The following BRWD3 variants were observed in gnomAD, a reference collection of about 807,000 sequenced individuals.
BRWD3 encodes the protein bromodomain and WD repeat domain containing 3.
In BRWD3, 10 loss-of-function variants were observed where a neutral mutation model predicts 149.7. That is an observed-to-expected ratio of 0.07 (90% confidence interval 0.04 to 0.11). The LOEUF (loss-of-function observed/expected upper bound fraction) is 0.11. Ranked by LOEUF, BRWD3 falls within the 10% of genes least tolerant of loss-of-function variation. The pLI, the probability that BRWD3 is intolerant of heterozygous loss-of-function variation, is 1.00. For synonymous variants in BRWD3, 504 were observed against 456.7 expected (o/e 1.10, Z -1.32); for missense variants, 940 against 1,373.2 (o/e 0.68, Z 4.99).
intron 6 of BRWD3, among the ~76,000 whole-genome samples, chrX:80,778,423 G>A (rs1367737866): frequency 8.9e-6 from 1 of 111,732 alleles, no homozygotes; most frequent in Non-Finnish European, 1.9e-5. Context: ...AAGGAGAGGA[G>A]TGCCTTCAGC....
Position 80,669,524 on chromosome X carries a change from GAAT to G in BRWD3, c.*7082_*7084del, listed in dbSNP as rs1290258136. ...GCACTTCATTATTAATATTTTAGAT[GAAT>G]AATACTCAAGGGTAACAAAACAGTA... On this transcript the variant is annotated 3_prime_UTR_variant, in exon 41 of 41. Transcript: ENST00000373275. Among the ~76,000 whole-genome samples the G allele has an allele frequency of 9.0e-6, 1 of 111,516 alleles. No homozygotes were observed. Among genetic ancestry groups the G allele is most frequent in the Non-Finnish European group, 1.9e-5 (1 of 53,048 alleles).
intron 34 of BRWD3, among the ~76,000 whole-genome samples, chrX:80,687,355 T>C (rs2072543937): frequency 8.9e-6 from 1 of 111,755 alleles, no homozygotes; most frequent in African/African-American, 3.2e-5. Flanking sequence ...AATGGCATCA[T>C]ATTTTTCTCA....
chrX:80,697,109 G>A (rs995862312), intron 25 of BRWD3, among the ~76,000 whole-genome samples: 18 of 110,343 alleles, frequency 1.6e-4, no homozygotes, highest in African/African-American at 5.3e-4. Context: ...TTAATGATCC[G>A]AAATCCTACA....
At chrX:80,719,060 ATT>A (rs11312634) in intron 18 of BRWD3, among the ~76,000 whole-genome samples, 72 of 104,837 alleles carry the variant, frequency 6.9e-4, no homozygotes, top group Non-Finnish European at 6.7e-4. Context: ...TCTTCAGTGT[ATT>A]TTTTTTTTTT....
rs2072369681 is a variant in BRWD3, at chrX:80,676,616, T to G, written c.5402A>C (p.Asn1801Thr). ...KARVSHLMGWNY is the reference protein window; with the variant it reads ...KARVSHLMGWTY ...TTCTAAATTTATTAACTGTTAATAATTCCATCCCATGAGATGGCTAACCCT... is the reference window on the plus strand; with the variant it reads ...TTCTAAATTTATTAACTGTTAATAAGTCCATCCCATGAGATGGCTAACCCT... Residue 1801 changes from asparagine to threonine, a missense_variant, in exon 41 of 41, where the codon AAT becomes ACT. Physicochemically the swap from Asn to Thr is moderately conservative, Grantham distance 65. Transcript: ENST00000373275. 1 of 1,208,717 alleles carries G rather than the reference T, an allele frequency of 8.3e-7. No individual in the cohort carries two copies. Among genetic ancestry groups the G allele is most frequent in the Non-Finnish European group, 1.1e-6 (1 of 894,484 alleles).
chrX:80,721,013 A>C (rs2073143167), intron 17 of BRWD3, among the ~76,000 whole-genome samples: 1 of 112,108 alleles, frequency 8.9e-6, no homozygotes, highest in South Asian at 3.7e-4. Flanking sequence ...GATACCTAAA[A>C]TGCTTTGCTT....
At chrX:80,686,776 T>C in intron 35 of BRWD3, 87 bp downstream of exon 35, 1 of 975,218 alleles carries the variant, frequency 1.0e-6, no homozygotes. Context: ...AAAGGAGAGG[T>C]GAGAAAATTG....
chrX:80,774,101 T>C (rs1349384252), intron 6 of BRWD3, among the ~76,000 whole-genome samples: 1 of 111,630 alleles, frequency 9.0e-6, no homozygotes, highest in African/African-American at 3.3e-5. Context: ...TAGGAAATGT[T>C]AATCAACTCT....
chrX:80,712,458 G>T (rs1264877986), intron 20 of BRWD3, among the ~76,000 whole-genome samples: 1 of 110,498 alleles, frequency 9.0e-6, no homozygotes, highest in African/African-American at 3.3e-5. Flanking sequence ...GTGCTCAATG[G>T]TGCCCAGGCT....
rs1289693457 is a variant in BRWD3, at chrX:80,809,687, AGGAGAG to A, written c.-222_-217del. 17 of 360,542 alleles carry A rather than the reference AGGAGAG, an allele frequency of 4.7e-5. No individual in the cohort carries two copies. Among genetic ancestry groups the A allele is most frequent in the African/African-American group, 1.7e-4 (6 of 35,187 alleles). The allele number at this position is 360,542 out of a possible 1,213,427, so 29.7% of individuals were successfully genotyped here. A position where few individuals can be genotyped will look rare whatever the true frequency, so the allele number is the denominator to read the frequency against. On this transcript the variant is annotated 5_prime_UTR_variant, in exon 1 of 41. Coordinates refer to ENST00000373275, the MANE Select transcript of BRWD3 (RefSeq NM_153252.5). ...GCTGAGGAGGCGGAGGAGGAAGGAGAGGAGAGGGAGAGGGAGAGAGAGAGTGAGTGA... is the reference window on the plus strand; with the variant it reads ...GCTGAGGAGGCGGAGGAGGAAGGAGAGGAGAGGGAGAGAGAGAGTGAGTGA...
In BRWD3 at chrX:80,676,745, A is replaced by G. The variant is rs2147666747; in HGVS notation, c.5273T>C (p.Leu1758Ser). 5.8e-6 allele frequency: 7 copies of G among 1,211,294 alleles called. No individual in the cohort carries two copies. The highest frequency in any genetic ancestry group is 7.8e-6 in the Non-Finnish European group (7 of 895,321). The change falls in exon 41 of 41, where the codon TTA (leucine) becomes TCA (serine). Residue 1758 changes from leucine (L) to serine (S), a missense_variant. By Grantham distance (145) the Leu-to-Ser change is moderately radical. Coordinates refer to ENST00000373275, the MANE Select transcript of BRWD3 (RefSeq NM_153252.5). Reference sequence around the variant, plus strand: ...GTCATTATCAGAATCATCATTATATAAAACAGTCCTCCTGCCTTGGTTTCT... The same window carrying G: ...GTCATTATCAGAATCATCATTATATGAAACAGTCCTCCTGCCTTGGTTTCT... ...KTRNQGRRTV[L>S]YNDDSDNDNF...
At chrX:80,710,489 T>C in intron 20 of BRWD3, 1 of 384,734 alleles carries the variant, frequency 2.6e-6, no homozygotes, top group South Asian at 2.9e-5. Flanking sequence ...AAACATGGTC[T>C]GCATGCCTGA....
intron 6 of BRWD3, among the ~76,000 whole-genome samples, chrX:80,780,746 G>C (rs2074048142): frequency 1.8e-5 from 2 of 112,141 alleles, no homozygotes; most frequent in African/African-American, 6.5e-5. Flanking sequence ...GGTAAGTAGA[G>C]TGAGGCAGGC....
intron 16 of BRWD3, 107 bp from the exon 17 acceptor site, chrX:80,722,894 A>G (rs1045369004): frequency 1.5e-6 from 1 of 680,875 alleles, no homozygotes; most frequent in Non-Finnish European, 2.3e-6. Flanking sequence ...AATCTTTTGC[A>G]TACTCTTCTA....
chrX:80,726,557 C>T (rs2073251704), intron 14 of BRWD3, among the ~76,000 whole-genome samples: 2 of 110,386 alleles, frequency 1.8e-5, no homozygotes, highest in African/African-American at 6.6e-5. Flanking sequence ...CCTGAAGCTG[C>T]ACTTATCTTA....
chrX:80,699,214 C>G (rs2072745534), intron 25 of BRWD3, among the ~76,000 whole-genome samples: 2 of 110,635 alleles, frequency 1.8e-5, no homozygotes, highest in Admixed American at 1.9e-4. Context: ...GACTCCGTTG[C>G]AAAATAAATA....
At chrX:80,747,295 C>T (rs1272313045) in intron 6 of BRWD3, among the ~76,000 whole-genome samples, 1 of 109,219 alleles carries the variant, frequency 9.2e-6, no homozygotes, top group Non-Finnish European at 1.9e-5. Flanking sequence ...TGATATTCTC[C>T]GTTGAATGAT....
rs1336249727 is a variant in BRWD3, at chrX:80,722,494, TAGAG to T, written c.1876+64_1876+67del. The T allele has an allele frequency of 2.1e-5, 21 of 992,822 alleles. No homozygotes were observed. The Admixed American group carries it at 3.1e-4, about 15-fold the overall frequency. The allele number at this position is 992,822 out of a possible 1,213,427, so 81.8% of individuals were successfully genotyped here. ...AGAGTTTAGCAGGAGGCATACATCA[TAGAG>T]AGAACAGCAGTAATGTATAACATTG... On this transcript the variant is annotated intron_variant, in intron 17 of 40. Coordinates refer to ENST00000373275, the MANE Select transcript of BRWD3 (RefSeq NM_153252.5).
At chrX:80,708,685 G>A (rs930225947) in intron 21 of BRWD3, among the ~76,000 whole-genome samples, 18 of 110,916 alleles carry the variant, frequency 1.6e-4, no homozygotes, top group African/African-American at 4.3e-4. Context: ...GCATGGTGGC[G>A]CATGCCTGTA....
Sources: gnomAD v4.1 joint callset for allele counts (sites outside exome capture counted in the v4.1 genomes callset) on GRCh38, gnomAD v4.1.1 for gene constraint, MANE v1.5 for transcripts, NCBI Gene and HGNC (gene_info 2026-07-23, HGNC 2026-07-21) for gene names.